KSR2: variants seen among roughly 807,000 people sequenced by gnomAD.
KSR2 encodes kinase suppressor of ras 2.
KSR2 carries 25 observed loss-of-function variants against 107.8 expected under a neutral mutation model. The observed-to-expected ratio is 0.23, with a 90% CI of 0.17 to 0.32. The LOEUF is 0.32. KSR2 is among the 10% of genes least tolerant of loss of function. The pLI is 1.00. For synonymous variants in KSR2, 480 were observed against 507.0 expected, an observed-to-expected ratio of 0.95 and a Z score of 0.71; for missense variants, 887 against 1,268.9, an observed-to-expected ratio of 0.70 and a Z score of 4.57.
At chr12:117,519,187 AT>A (rs1421127290) in intron 14 of KSR2, among the ~76,000 whole-genome samples, 4 of 152,236 alleles carry the variant, frequency 2.6e-5, no homozygotes, top group Non-Finnish European at 5.9e-5. Context: ...AGGTGCTGAT[AT>A]TGGGTCATTC....
intron 1 of KSR2, among the ~76,000 whole-genome samples, chr12:117,876,303 G>A (rs1893847928): frequency 6.6e-6 from 1 of 152,232 alleles, no homozygotes; most frequent in African/African-American, 2.4e-5. Context: ...ATCCCCTGCT[G>A]AGGGAGGGCT....
At chr12:117,485,532 G>A (rs976935884) in intron 15 of KSR2, 63 bp downstream of exon 15, 43 of 1,279,284 alleles carry the variant, frequency 3.4e-5, no homozygotes, top group Non-Finnish European at 4.8e-5. Context: ...GGGTAGGGGG[G>A]CTTCCCTGGG....
intron 5 of KSR2, among the ~76,000 whole-genome samples, chr12:117,598,160 C>T (rs991209499): frequency 1.6e-4 from 24 of 152,184 alleles, no homozygotes; most frequent in African/African-American, 4.6e-4. Flanking sequence ...GGGTCCCCAA[C>T]GTCCATTATA....
chr12:117,679,780 C>A (rs967938032), intron 4 of KSR2, among the ~76,000 whole-genome samples: 1 of 152,154 alleles, frequency 6.6e-6, no homozygotes, highest in East Asian at 1.9e-4. Context: ...AACTGGGCAG[C>A]TCTAGCCAGG....
chr12:117,562,444 G>A (rs1421364475), intron 7 of KSR2, among the ~76,000 whole-genome samples: 1 of 152,114 alleles, frequency 6.6e-6, no homozygotes, highest in African/African-American at 2.4e-5. Context: ...TCTGCACTTG[G>A]AATAGCTGGA....
chr12:117,684,995 C>T (rs1885511894), intron 4 of KSR2, among the ~76,000 whole-genome samples: 1 of 152,150 alleles, frequency 6.6e-6, no homozygotes, highest in African/African-American at 2.4e-5. Flanking sequence ...CTTAGACTCG[C>T]AATCTGGGAG....
At chr12:117,909,889 C>G (rs1894964119) in intron 1 of KSR2, among the ~76,000 whole-genome samples, 1 of 148,810 alleles carries the variant, frequency 6.7e-6, no homozygotes, top group African/African-American at 2.5e-5. Context: ...GCCTAGGTGA[C>G]AGAGCAAGAC....
Position 117,604,321 on chromosome 12 carries a change from C to T in KSR2, c.1172-21962G>A, listed in dbSNP as rs569760990. ...CAGCATGTCAGAATGGCCACCCTGC[C>T]GGCTGCAAAGCTTTGTGAAAAATAA... is the stretch of plus-strand genomic sequence containing the variant. On this transcript the variant is annotated intron_variant, in intron 5 of 19. Coordinates refer to ENST00000339824, the MANE Select transcript of KSR2 (RefSeq NM_173598.6). 3.3e-5 allele frequency among the ~76,000 whole-genome samples: 5 copies of T among 152,146 alleles called. No homozygotes were observed. In the South Asian group the frequency reaches 6.3e-4, roughly 19 times the overall value.
chr12:117,920,079 G>C (rs754353169), intron 1 of KSR2, among the ~76,000 whole-genome samples: 18 of 152,164 alleles, frequency 1.2e-4, no homozygotes, highest in Non-Finnish European at 2.2e-4. Flanking sequence ...GCTGGGCATG[G>C]TGGCTCACGC....
At chr12:117,527,280 G>GACACACACAC (rs59836858) in intron 12 of KSR2, among the ~76,000 whole-genome samples, 161 bp from the exon 13 acceptor site, 5 of 124,466 alleles carry the variant, frequency 4.0e-5, no homozygotes, top group South Asian at 2.8e-4. Context: ...CCATAACCTC[G>GACACACACAC]ACACACACAC....
chr12:117,612,507 T>C (rs1342017634), intron 5 of KSR2, among the ~76,000 whole-genome samples: 1 of 152,204 alleles, frequency 6.6e-6, no homozygotes, highest in Non-Finnish European at 1.5e-5. Flanking sequence ...GCAATTCTTC[T>C]TGCCAGAAAG....
chr12:117,854,430 G>A (rs10850911), intron 3 of KSR2, among the ~76,000 whole-genome samples: 63,912 of 152,084 alleles, frequency 0.42, 14,317 homozygotes, highest in Admixed American at 0.52. Context: ...TTTGTTCACC[G>A]CTGCCTTCTC....
intron 4 of KSR2, among the ~76,000 whole-genome samples, chr12:117,741,808 CCAT>C (rs1411971324): frequency 6.6e-6 from 1 of 152,168 alleles, no homozygotes; most frequent in Non-Finnish European, 1.5e-5. Context: ...TTGAAAATCA[CCAT>C]TTGGAAACCA....
At chr12:117,756,204 A>G (rs553711287) in intron 4 of KSR2, among the ~76,000 whole-genome samples, 3 of 152,250 alleles carry the variant, frequency 2.0e-5, no homozygotes, top group South Asian at 2.1e-4. Flanking sequence ...CAGATTTTCA[A>G]TGTAAATGAA....
chr12:117,737,284 C>A (rs773619530), intron 4 of KSR2, among the ~76,000 whole-genome samples: 2 of 152,192 alleles, frequency 1.3e-5, no homozygotes, highest in Non-Finnish European at 2.9e-5. Context: ...TATTTTCACA[C>A]TGAAAATCAG....
chr12:117,568,769 A>G (rs1878695574), intron 7 of KSR2, among the ~76,000 whole-genome samples: 1 of 152,218 alleles, frequency 6.6e-6, no homozygotes, highest in Non-Finnish European at 1.5e-5. Flanking sequence ...CTCAGCCCCC[A>G]GTAGAATTAT....
intron 1 of KSR2, among the ~76,000 whole-genome samples, chr12:117,865,593 C>A (rs916467952): frequency 6.6e-6 from 1 of 151,906 alleles, no homozygotes; most frequent in Non-Finnish European, 1.5e-5. Context: ...CTGGGCTCAA[C>A]TAATCCATTC....
intron 3 of KSR2, among the ~76,000 whole-genome samples, chr12:117,794,517 ACAC>A (rs1358786282): frequency 7.6e-6 from 1 of 131,086 alleles, no homozygotes; most frequent in Non-Finnish European, 1.5e-5. Flanking sequence ...ACATGCACAC[ACAC>A]CAACATGCAC....
intron 4 of KSR2, among the ~76,000 whole-genome samples, chr12:117,689,608 G>T: frequency 6.6e-6 from 1 of 152,070 alleles, no homozygotes; most frequent in African/African-American, 2.4e-5. Context: ...GGGCATGGGT[G>T]GATGACCCCT....
Sources: gnomAD v4.1 joint callset for allele counts (sites outside exome capture counted in the v4.1 genomes callset) on GRCh38, gnomAD v4.1.1 for gene constraint, MANE v1.5 for transcripts, NCBI Gene and HGNC (gene_info 2026-07-23, HGNC 2026-07-21) for gene names.